Variants in TRPS1 observed in about 807,000 individuals in gnomAD.
TRPS1 encodes the protein zinc finger transcription factor Trps1.
A neutral mutation model predicts 101.2 loss-of-function variants in TRPS1; 6 were observed. The observed-to-expected ratio is 0.06, with a 90% CI of 0.03 to 0.12. The LOEUF (loss-of-function observed/expected upper bound fraction) is 0.12. Among genes scored for constraint, TRPS1 ranks in the 10% least tolerant of loss-of-function variants. The pLI, the probability that TRPS1 is intolerant of heterozygous loss-of-function variation, is 1.00. For synonymous variants in TRPS1, 578 were observed against 589.8 expected (o/e 0.98, Z 0.29); for missense variants, 1,363 against 1,567.0 (o/e 0.87, Z 2.20).
In TRPS1 at chr8:115,604,815, G is replaced by A; in HGVS notation, c.1154C>T (p.Ala385Val). 6.2e-7 allele frequency: 1 copy of A among 1,614,052 alleles called. No homozygotes were observed. Among genetic ancestry groups the A allele is most frequent in the Non-Finnish European group, 8.5e-7 (1 of 1,179,976 alleles). ...GTTAGAGTTTTTCTCTGAAGGTTTT[G>A]CAACCTCAGAGGAGGGGAGAGAAGC... is the stretch of plus-strand genomic sequence containing the variant. ...IKASLPSSEV[A>V]KPSEKNSNKS... Residue 385 changes from alanine (A) to valine (V), a missense_variant, in exon 4 of 7, where the codon GCA becomes GTA. Around this residue, in one of 5 missense-constraint regions of TRPS1, gnomAD observed 1,020 missense variants for 1,073.0 expected, o/e 0.95. Coordinates refer to ENST00000395715, the MANE Select transcript of TRPS1 (RefSeq NM_014112.5). The surrounding 1 kb of genome is among the most constrained non-coding windows in gnomAD (Gnocchi z 4.1).
intron 5 of TRPS1, among the ~76,000 whole-genome samples, chr8:115,439,667 T>C (rs1308068275): frequency 1.3e-5 from 2 of 152,230 alleles, no homozygotes; most frequent in Non-Finnish European, 2.9e-5. Flanking sequence ...AATACTGTTC[T>C]GGAACAGCTG....
chr8:115,545,623 A>G (rs1269468518), intron 5 of TRPS1, among the ~76,000 whole-genome samples: 1 of 152,146 alleles, frequency 6.6e-6, no homozygotes, highest in East Asian at 1.9e-4. Flanking sequence ...GACCTATACT[A>G]TTTACTGTAC....
chr8:115,428,080 C>G (rs1813233129), intron 5 of TRPS1, among the ~76,000 whole-genome samples: 3 of 152,224 alleles, frequency 2.0e-5, no homozygotes, highest in Admixed American at 1.3e-4. Flanking sequence ...GGGGTTTTGA[C>G]ATGCTCTGTA....
At chr8:115,610,190 CT>C (rs1283649330) in intron 3 of TRPS1, among the ~76,000 whole-genome samples, 1 of 151,968 alleles carries the variant, frequency 6.6e-6, no homozygotes, top group East Asian at 1.9e-4. Flanking sequence ...TTTAAGAGAA[CT>C]TGAGGTTATG....
intron 6 of TRPS1, 130 bp from the exon 7 acceptor site, chr8:115,415,214 T>A: frequency 1.0e-6 from 1 of 986,062 alleles, no homozygotes; most frequent in Non-Finnish European, 1.4e-6. Flanking sequence ...GTAGATTTAC[T>A]AAATCTCCTC....
intron 3 of TRPS1, among the ~76,000 whole-genome samples, chr8:115,606,080 T>C (rs148772299): frequency 3.3e-5 from 5 of 152,316 alleles, no homozygotes; most frequent in African/African-American, 1.2e-4. Context: ...AGTGGCATAA[T>C]CATCTTCTGC....
At chr8:115,598,949 T>C (rs533704385) in intron 4 of TRPS1, among the ~76,000 whole-genome samples, 16 of 152,344 alleles carry the variant, frequency 1.1e-4, no homozygotes, top group African/African-American at 3.8e-4. Context: ...AATTTATTCC[T>C]ATACATCATC....
At chr8:115,434,026 T>C (rs1001311238) in intron 5 of TRPS1, among the ~76,000 whole-genome samples, 1 of 152,144 alleles carries the variant, frequency 6.6e-6, no homozygotes, top group Admixed American at 6.6e-5. Context: ...GATTATTGTA[T>C]CACACTAAGC....
intron 6 of TRPS1, among the ~76,000 whole-genome samples, chr8:115,416,273 A>AT (rs1812916939): frequency 6.6e-6 from 1 of 151,900 alleles, no homozygotes; most frequent in Non-Finnish European, 1.5e-5. Context: ...CATGGATAAG[A>AT]CTATAATAAA....
intron 4 of TRPS1, among the ~76,000 whole-genome samples, chr8:115,599,061 T>C (rs1817850644): frequency 6.6e-6 from 1 of 152,192 alleles, no homozygotes; most frequent in Admixed American, 6.5e-5. Flanking sequence ...GATTACCTAC[T>C]CTCTATTCTG....
chr8:115,442,627 G>A (rs1297050058), intron 5 of TRPS1, among the ~76,000 whole-genome samples: 4 of 151,754 alleles, frequency 2.6e-5, no homozygotes, highest in Non-Finnish European at 5.9e-5. Context: ...GGGTTACACA[G>A]CATAGTGCAA....
At chr8:115,615,932 C>T (rs1586460970) in intron 3 of TRPS1, among the ~76,000 whole-genome samples, 1 of 152,272 alleles carries the variant, frequency 6.6e-6, no homozygotes, top group African/African-American at 2.4e-5. Flanking sequence ...CAAATTTAAG[C>T]ATGACAACTG....
rs749808514 is a variant in TRPS1, at chr8:115,604,049, A to T, written c.1920T>A (p.Asp640Glu). 1 of 1,614,054 alleles carries T rather than the reference A, an allele frequency of 6.2e-7. No homozygotes were observed. The highest frequency in any genetic ancestry group is 2.2e-5 in the East Asian group (1 of 44,860). The change falls in exon 4 of 7, where the codon GAT becomes GAA. Residue 640 changes from aspartate to glutamate, a missense_variant. By Grantham distance (45) the Asp-to-Glu change is conservative. Coordinates refer to ENST00000395715, the MANE Select transcript of TRPS1 (RefSeq NM_014112.5). This position sits in a 1 kb window ranked among gnomAD's most constrained non-coding sequence, Gnocchi z 4.1. Reference sequence around the variant, plus strand: ...CACTTTCATAGTGAAAGAGGAGTACATCTACGTCAGGGGTGGTGAATGAAC... The same window carrying T: ...CACTTTCATAGTGAAAGAGGAGTACTTCTACGTCAGGGGTGGTGAATGAAC... The part of the protein sequence containing the change: ...HQCSFTTPDV[D>E]VLLFHYESVH...
At chr8:115,630,266 G>A (rs754792371) in intron 1 of TRPS1, among the ~76,000 whole-genome samples, 30 of 151,782 alleles carry the variant, frequency 2.0e-4, no homozygotes, top group South Asian at 4.1e-4. Flanking sequence ...TACAGAATTC[G>A]GGCAGAAATT....
At chr8:115,584,869 C>A (rs1469723903) in intron 5 of TRPS1, among the ~76,000 whole-genome samples, 9 of 151,874 alleles carry the variant, frequency 5.9e-5, no homozygotes, top group Admixed American at 4.6e-4. Context: ...AATTGGCTAC[C>A]CTTCCTATTC....
rs1812710986 is a variant in TRPS1 at position 115,408,587 on chromosome 8, G to A, written c.*5436C>T. 1.3e-5 allele frequency: 2 copies of A among 150,380 alleles called. No homozygotes were observed. The highest frequency in any genetic ancestry group is 6.7e-5 in the Admixed American group (1 of 14,970). 9.3% of individuals were successfully genotyped at this position (150,380 alleles called of 1,614,324 possible). A position where few individuals can be genotyped will look rare whatever the true frequency, so the allele number is the denominator to read the frequency against. Reference sequence around the variant, plus strand: ...ATTGTTTGCATAAGAAATACACCAAGAACATGTTTGTGAGTAGAAATGAAC... The same window carrying A: ...ATTGTTTGCATAAGAAATACACCAAAAACATGTTTGTGAGTAGAAATGAAC... On this transcript the variant is annotated 3_prime_UTR_variant, in exon 7 of 7. Transcript: ENST00000395715.
Position 115,531,399 on chromosome 8 carries a change from C to A in TRPS1, c.2700+55602G>T, listed in dbSNP as rs372162402. Among the ~76,000 whole-genome samples, 43 of 152,262 alleles carry A rather than the reference C, an allele frequency of 2.8e-4. 1 individual carries two copies. Among genetic ancestry groups the A allele is most frequent in the African/African-American group, 9.1e-4 (38 of 41,548 alleles). On this transcript the variant is annotated intron_variant, in intron 5 of 6. Transcript: ENST00000395715. ...AGATACTTGTTGATTACTGTTGAATCCATTAACTACGGCCCTAACCTGGCA... is the reference window on the plus strand; with the variant it reads ...AGATACTTGTTGATTACTGTTGAATACATTAACTACGGCCCTAACCTGGCA...
intron 1 of TRPS1, among the ~76,000 whole-genome samples, chr8:115,638,873 T>C (rs1191645801): frequency 9.2e-5 from 14 of 152,278 alleles, no homozygotes; most frequent in Non-Finnish European, 1.0e-4. Context: ...AGATAATGTA[T>C]ACTGAAATAG....
At chr8:115,619,040 G>T in intron 3 of TRPS1, 92 bp downstream of exon 3, 3 of 1,388,530 alleles carry the variant, frequency 2.2e-6, no homozygotes, top group East Asian at 2.5e-5. Context: ...TACCTGTCTG[G>T]TACTGGGACC....
Sources: gnomAD v4.1 joint callset for allele counts (sites outside exome capture counted in the v4.1 genomes callset) on GRCh38, gnomAD v4.1.1 for gene constraint, gnomAD v4.1.1 regional missense constraint, Gnocchi (gnomAD v3.1) non-coding constraint, MANE v1.5 for transcripts, NCBI Gene and HGNC (gene_info 2026-07-23, HGNC 2026-07-21) for gene names.